The following POM121 variants were observed in gnomAD, a reference collection of about 807,000 sequenced individuals.
POM121 encodes the protein nuclear envelope pore membrane protein POM 121.
A neutral mutation model predicts 81.3 loss-of-function variants in POM121; 32 were observed. The observed-to-expected ratio is 0.39, with a 90% CI of 0.30 to 0.53. The LOEUF (loss-of-function observed/expected upper bound fraction) is 0.53. Among genes scored for constraint, POM121 ranks in the 20% least tolerant of loss-of-function variants. POM121 has a pLI of 0.66. For synonymous variants in POM121, 514 were observed against 694.2 expected, an observed-to-expected ratio of 0.74 and a Z score of 4.08; for missense variants, 1,138 against 1,614.6, an observed-to-expected ratio of 0.70 and a Z score of 5.06.
At chr7:72,881,524 A>C (rs1270357083) in intron 1 of POM121, among the ~76,000 whole-genome samples, 1 of 151,316 alleles carries the variant, frequency 6.6e-6, no homozygotes, top group African/African-American at 2.4e-5. Flanking sequence ...GCAAGTTTCC[A>C]AGAGCAGCAG....
intron 3 of POM121, 55 bp from the exon 4 acceptor site, chr7:72,928,330 T>C (rs1795673279): frequency 3.7e-6 from 6 of 1,604,574 alleles, no homozygotes; most frequent in African/African-American, 1.3e-5. Flanking sequence ...GAATACACTT[T>C]AAAGGGACAA....
intron 1 of POM121, among the ~76,000 whole-genome samples, chr7:72,884,403 C>T (rs1554489741): frequency 6.6e-6 from 1 of 151,462 alleles, no homozygotes; most frequent in East Asian, 1.9e-4. Flanking sequence ...GTGGTTCCAT[C>T]TTTGGCCAGA....
intron 3 of POM121, among the ~76,000 whole-genome samples, chr7:72,903,482 G>T (rs1267724838): frequency 6.6e-6 from 1 of 152,158 alleles, no homozygotes; most frequent in Non-Finnish European, 1.5e-5. Context: ...GGGGTAACTG[G>T]AAATTATTTT....
At chr7:72,886,370 C>T (rs547937355) in intron 1 of POM121, among the ~76,000 whole-genome samples, 210 of 152,134 alleles carry the variant, frequency 1.4e-3, no homozygotes, top group African/African-American at 4.1e-3. Context: ...GACGAGGTTT[C>T]GCCATGTTGG....
At chr7:72,885,056 T>A (rs1554489860) in intron 1 of POM121, among the ~76,000 whole-genome samples, 2 of 152,248 alleles carry the variant, frequency 1.3e-5, no homozygotes, top group Non-Finnish European at 2.9e-5. Flanking sequence ...TTTTTAAGTC[T>A]GTTTAATACG....
chr7:72,914,554 T>G (rs1199386945), intron 4 of POM121, among the ~76,000 whole-genome samples: 1 of 149,996 alleles, frequency 6.7e-6, no homozygotes, highest in East Asian at 1.9e-4. Flanking sequence ...AGGGTCTCGC[T>G]GTAGAGATAG....
At chr7:72,939,818 A>G (rs376882872) in intron 7 of POM121, 29 bp from the exon 8 acceptor site, 12 of 1,610,768 alleles carry the variant, frequency 7.4e-6, no homozygotes, top group Non-Finnish European at 9.3e-6. Context: ...GAGGGAAGGA[A>G]GCAAACGAGT....
rs11163 is a variant in POM121 at position 72,948,146 on chromosome 7, G to A, written c.*1912G>A. ...CCTGAGTGAGAATGAGTGTGGATGT[G>A]TACAGTACACGCACTGGACGGCAGC... On this transcript the variant is annotated 3_prime_UTR_variant, in exon 13 of 13. Transcript: ENST00000434423. 2,638 of 1,424,466 alleles carry A rather than the reference G, an allele frequency of 1.9e-3. 17 individuals are homozygous for A. Among genetic ancestry groups the A allele is most frequent in the Non-Finnish European group, 2.2e-3 (2,442 of 1,094,656 alleles). 88.2% of individuals were successfully genotyped at this position (1,424,466 alleles called of 1,614,324 possible). A position where few individuals can be genotyped will look rare whatever the true frequency, so the allele number is the denominator to read the frequency against.
chr7:72,949,174 C>T, downstream of POM121: 1 of 1,282,412 alleles, frequency 7.8e-7, no homozygotes, highest in Non-Finnish European at 1.1e-6. Flanking sequence ...CTCCTGAAAT[C>T]CTCGCTTCAC....
chr7:72,912,106 T>C (rs1197039222), intron 3 of POM121, among the ~76,000 whole-genome samples: 1 of 152,182 alleles, frequency 6.6e-6, no homozygotes, highest in Non-Finnish European at 1.5e-5. Flanking sequence ...TTGCCCAGGC[T>C]AGTCTTGAAC....
chr7:72,907,457 A>T (rs543159058), intron 3 of POM121, among the ~76,000 whole-genome samples: 1 of 152,156 alleles, frequency 6.6e-6, no homozygotes, highest in South Asian at 2.1e-4. Context: ...TTTCTTTTTT[A>T]AAATTTAATT....
At position 72,925,338 on chromosome 7, in the gene POM121, C is replaced by A. The variant is rs1352649883; in HGVS notation, c.217C>A (p.Pro73Thr). ...GGCCTGGTGGGGACTGAGCCGCGAG[C>A]CCCGAGGTTCGCGCCCCTTGTCCTC... The part of the protein sequence containing the change: ...TAAWWGLSRE[P>T]RGSRPLSSFV... Residue 73 changes from proline to threonine, a missense_variant, in exon 1 of 13, where the codon CCC becomes ACC. Coordinates refer to ENST00000434423, the MANE Select transcript of POM121 (RefSeq NM_001387691.1). 1.4e-5 allele frequency: 21 copies of A among 1,534,336 alleles called. No homozygotes were observed. The East Asian group carries it at 4.6e-4, about 34-fold the overall frequency.
At chr7:72,903,844 C>T (rs192826054) in intron 3 of POM121, among the ~76,000 whole-genome samples, 6 of 152,192 alleles carry the variant, frequency 3.9e-5, no homozygotes, top group African/African-American at 7.2e-5. Flanking sequence ...TGCAGTGGCA[C>T]GATCTCGGCT....
intron 5 of POM121, among the ~76,000 whole-genome samples, chr7:72,932,645 C>T (rs1159348013): frequency 6.6e-6 from 1 of 152,214 alleles, no homozygotes; most frequent in Admixed American, 6.5e-5. Context: ...CCCTACAGAG[C>T]ATGCACCACT....
chr7:72,932,603 C>T (rs2530495), intron 5 of POM121, among the ~76,000 whole-genome samples: 15 of 151,762 alleles, frequency 9.9e-5, no homozygotes, highest in Admixed American at 8.5e-4. Flanking sequence ...AGGTTAAATG[C>T]GCATGTAATT....
At chr7:72,949,577 T>G (rs1797935976), downstream of POM121, 1 of 699,854 alleles carries the variant, frequency 1.4e-6, no homozygotes, top group Non-Finnish European at 2.5e-6. Flanking sequence ...AACCAGAACA[T>G]GCAGGTTAAG....
Position 72,925,580 on chromosome 7 carries a change from G to C in POM121, c.459G>C (p.Pro153=). The C allele has an allele frequency of 6.5e-7, 1 of 1,530,984 alleles. No homozygotes were observed. The highest frequency in any genetic ancestry group is 1.2e-5 in the South Asian group (1 of 83,824). The allele number at this position is 1,530,984 out of a possible 1,614,324, so 94.8% of individuals were successfully genotyped here. A position where few individuals can be genotyped will look rare whatever the true frequency, so the allele number is the denominator to read the frequency against. The change falls in exon 1 of 13, where the codon CCG becomes CCC. Residue 153 remains proline (P), a synonymous_variant. Coordinates refer to ENST00000434423, the MANE Select transcript of POM121 (RefSeq NM_001387691.1). ...GGCCGCCGCAGCCCGCCGCCGCTCC[G>C]GAGGGCCAGGACCTGCGGGATAGGC... The part of the protein sequence containing the change: ...KPGPPQPAAA[P]EGQDLRDRPG...
intron 5 of POM121, among the ~76,000 whole-genome samples, chr7:72,934,956 C>T (rs1351875213): frequency 2.0e-5 from 3 of 151,300 alleles, no homozygotes; most frequent in Admixed American, 2.0e-4. Context: ...GTCAGTCATC[C>T]CACTTTCTCA....
rs200730519 is a variant in POM121 at position 72,890,689 on chromosome 7, C to T, written c.-458C>T. 6,471 of 1,601,452 alleles carry T rather than the reference C, an allele frequency of 4.0e-3. 19 individuals are homozygous for T. The highest frequency in any genetic ancestry group is 4.8e-3 in the Non-Finnish European group (5,678 of 1,171,674). ...CCCAGGAGGAGTGGTGGCAACTGGA[C>T]CCTGATGAGAAGATAACATACGGGG... On this transcript the variant is annotated 5_prime_UTR_variant, in exon 2 of 16. Transcript: ENST00000395270.
Sources: gnomAD v4.1 joint callset for allele counts (sites outside exome capture counted in the v4.1 genomes callset) on GRCh38, gnomAD v4.1.1 for gene constraint, MANE v1.5 for transcripts, NCBI Gene and HGNC (gene_info 2026-07-23, HGNC 2026-07-21) for gene names.